RSRC1: variants seen among roughly 807,000 people sequenced by gnomAD.
RSRC1 encodes arginine and serine rich coiled-coil 1.
Under a neutral mutation model 49.1 loss-of-function variants are expected in RSRC1, and 39 were observed. The ratio of observed to expected loss-of-function variants is 0.79; its 90% CI spans 0.61 to 1.04. RSRC1 has a LOEUF of 1.04. Ranked by LOEUF, RSRC1 falls within the 50% of genes least tolerant of loss-of-function variation. The pLI is 0.00. For missense variants in RSRC1, 388 were observed against 402.4 expected (o/e 0.96, Z 0.31); for synonymous variants, 143 against 130.8 (o/e 1.09, Z -0.63).
intron 7 of RSRC1, among the ~76,000 whole-genome samples, chr3:158,506,811 C>T (rs1739882037): frequency 6.6e-6 from 1 of 150,550 alleles, no homozygotes; most frequent in African/African-American, 2.4e-5. Flanking sequence ...ATCCAGGAAT[C>T]CCACTGGTGT....
chr3:158,273,814 A>C (rs867511991), intron 4 of RSRC1, among the ~76,000 whole-genome samples: 2 of 152,028 alleles, frequency 1.3e-5, no homozygotes, highest in Non-Finnish European at 2.9e-5. Flanking sequence ...TTAATATTCA[A>C]TCTTTGGATT....
intron 3 of RSRC1, among the ~76,000 whole-genome samples, chr3:158,157,298 T>C (rs930719010): frequency 3.3e-5 from 5 of 152,222 alleles, no homozygotes; most frequent in Non-Finnish European, 1.5e-5. Flanking sequence ...ATTTAATCCT[T>C]ACAGCAATTC....
intron 7 of RSRC1, among the ~76,000 whole-genome samples, chr3:158,494,137 G>A (rs1232060054): frequency 6.6e-6 from 1 of 152,070 alleles, no homozygotes; most frequent in African/African-American, 2.4e-5. Flanking sequence ...GTGTCATTTT[G>A]CAAACATTGT....
At chr3:158,146,283 A>G (rs1323651837) in intron 3 of RSRC1, among the ~76,000 whole-genome samples, 2 of 152,066 alleles carry the variant, frequency 1.3e-5, no homozygotes, top group Non-Finnish European at 2.9e-5. Flanking sequence ...AATAGCTCTT[A>G]TTATTTTGAG....
chr3:158,367,966 T>C (rs7627082), intron 6 of RSRC1, among the ~76,000 whole-genome samples: 11,189 of 152,158 alleles, frequency 0.074, 1,428 homozygotes, highest in African/African-American at 0.26. Context: ...ACTTAAAAAG[T>C]GTAAGTTGTT....
At chr3:158,177,290 G>A (rs1578166693) in intron 3 of RSRC1, among the ~76,000 whole-genome samples, 1 of 152,174 alleles carries the variant, frequency 6.6e-6, no homozygotes, top group East Asian at 1.9e-4. Flanking sequence ...TCCCATTTCT[G>A]CATATATACC....
intron 7 of RSRC1, among the ~76,000 whole-genome samples, chr3:158,512,464 A>G (rs1740244062): frequency 6.6e-6 from 1 of 151,796 alleles, no homozygotes; most frequent in African/African-American, 2.4e-5. Context: ...GTTCTGTTCC[A>G]TTGATCTATA....
At chr3:158,295,875 C>A (rs770641556) in intron 4 of RSRC1, among the ~76,000 whole-genome samples, 1 of 152,066 alleles carries the variant, frequency 6.6e-6, no homozygotes, top group Non-Finnish European at 1.5e-5. Flanking sequence ...AAGATTGTGG[C>A]AGACACAGTT....
chr3:158,136,072 CT>C (rs1259952827), intron 3 of RSRC1, among the ~76,000 whole-genome samples: 1 of 152,098 alleles, frequency 6.6e-6, no homozygotes, highest in South Asian at 2.1e-4. Flanking sequence ...ATAATCACTC[CT>C]TACTTAATTT....
chr3:158,348,645 T>C (rs187880205), intron 5 of RSRC1, among the ~76,000 whole-genome samples: 186 of 152,232 alleles, frequency 1.2e-3, no homozygotes, highest in African/African-American at 4.3e-3. Flanking sequence ...TTATTACAAG[T>C]GTAATGGTGG....
chr3:158,118,462 T>TGTGTGTGTGCGCGC lies in RSRC1; in HGVS notation c.-2-3640_-2-3639insTGTGTGTGCGCGCG, dbSNP rs1491469875. On this transcript the variant is annotated intron_variant, in intron 1 of 9. Coordinates refer to ENST00000611884, the MANE Select transcript of RSRC1 (RefSeq NM_001271838.2). ...GTGTGTGTGTGTGTGTGTGTGTGTGTGCGCGTGCGCGTGGTTTTTTTAAAT... is the reference window on the plus strand; with the variant it reads ...GTGTGTGTGTGTGTGTGTGTGTGTGTGTGTGTGTGCGCGCGCGCGTGCGCGTGGTTTTTTTAAAT... Among the ~76,000 whole-genome samples the TGTGTGTGTGCGCGC allele has an allele frequency of 1.9e-3, 235 of 124,700 alleles. 2 individuals carry two copies. The highest frequency in any genetic ancestry group is 5.3e-3 in the East Asian group (20 of 3,780). The allele number at this position is 124,700 out of a possible 152,430, so 81.8% of individuals were successfully genotyped here. A position where few individuals can be genotyped will look rare whatever the true frequency, so the allele number is the denominator to read the frequency against.
chr3:158,401,157 C>T (rs1396670724), intron 6 of RSRC1, among the ~76,000 whole-genome samples: 2 of 151,924 alleles, frequency 1.3e-5, no homozygotes, highest in South Asian at 2.1e-4. Flanking sequence ...GGACGTACAC[C>T]CTATGATGGT....
intron 6 of RSRC1, among the ~76,000 whole-genome samples, chr3:158,430,165 G>A (rs751977438): frequency 2.6e-5 from 4 of 151,836 alleles, no homozygotes; most frequent in Non-Finnish European, 4.4e-5. Flanking sequence ...GATGGTGGTG[G>A]CAGTAGCTGT....
At chr3:158,168,599 T>C (rs1227112426) in intron 3 of RSRC1, among the ~76,000 whole-genome samples, 1 of 152,216 alleles carries the variant, frequency 6.6e-6, no homozygotes, top group Non-Finnish European at 1.5e-5. Context: ...ATAAATTCTA[T>C]TTTATTAAGA....
chr3:158,543,353 G>A lies in RSRC1; in HGVS notation c.778G>A (p.Val260Met). Residue 260 changes from valine to methionine, a missense_variant, in exon 9 of 10, where the codon GTG becomes ATG. By Grantham distance (21) the Val-to-Met change is conservative. Transcript: ENST00000611884. Reference protein sequence around the residue: ...EVKKSVEPSEVKQATSTSGPA... With the variant: ...EVKKSVEPSEMKQATSTSGPA... ...CTTTCAGTCAGTGGAACCTAGTGAA[G>A]TGAAACAAGCAACTTCAACATCAGG... The A allele has an allele frequency of 6.3e-7, 1 of 1,589,030 alleles. No homozygotes were observed. The highest frequency in any genetic ancestry group is 8.5e-7 in the Non-Finnish European group (1 of 1,170,536).
At chr3:158,475,723 CCTCTCT>C (rs3037125) in intron 7 of RSRC1, among the ~76,000 whole-genome samples, 3 of 149,178 alleles carry the variant, frequency 2.0e-5, no homozygotes, top group Non-Finnish European at 4.5e-5. Flanking sequence ...ACTGGCTATT[CCTCTCT>C]CTCTCTCTCT....
intron 4 of RSRC1, among the ~76,000 whole-genome samples, chr3:158,296,856 A>C (rs1219202648): frequency 6.6e-6 from 1 of 152,092 alleles, no homozygotes; most frequent in Non-Finnish European, 1.5e-5. Context: ...ATTTACTCTA[A>C]TATGTCAGAC....
At chr3:158,518,223 G>C (rs970213783) in intron 7 of RSRC1, among the ~76,000 whole-genome samples, 1 of 126,906 alleles carries the variant, frequency 7.9e-6, no homozygotes. Context: ...GACCTTTTTT[G>C]GTACTGTTCT....
At chr3:158,453,978 G>T (rs985249610) in intron 6 of RSRC1, among the ~76,000 whole-genome samples, 2 of 151,560 alleles carry the variant, frequency 1.3e-5, no homozygotes, top group Non-Finnish European at 2.9e-5. Flanking sequence ...TTCTTTCTTT[G>T]TGAGTAACCT....
Sources: allele counts gnomAD v4.1 joint callset (sites outside exome capture counted in the v4.1 genomes callset), GRCh38; gene constraint gnomAD v4.1.1; transcripts MANE v1.5; gene names NCBI Gene and HGNC (gene_info 2026-07-23, HGNC 2026-07-21).